The following UNC5A variants were observed in gnomAD, a reference collection of about 807,000 sequenced individuals.
The protein encoded by UNC5A is unc-5 netrin receptor A, also known as netrin receptor UNC5A.
Under a neutral mutation model 87.4 loss-of-function variants are expected in UNC5A, and 20 were observed. The observed-to-expected ratio is 0.23, with a 90% CI of 0.16 to 0.33. The LOEUF is 0.33. Among genes scored for constraint, UNC5A ranks in the 10% least tolerant of loss-of-function variants. UNC5A has a pLI of 1.00. For missense variants in UNC5A, 844 were observed against 1,133.4 expected, an observed-to-expected ratio of 0.74 and a Z score of 3.67; for synonymous variants, 438 against 482.3, an observed-to-expected ratio of 0.91 and a Z score of 1.20.
rs1443496991 is a variant in UNC5A, at chr5:176,867,069, C to T, written c.293-1061C>T. Among the ~76,000 whole-genome samples the T allele has an allele frequency of 2.0e-5, 3 of 152,316 alleles. No homozygotes were observed. The South Asian group carries it at 6.2e-4, about 32-fold the overall frequency. ...GCCTGCCGGCTCAGCTGGGCGGCCG[C>T]TCTTCCCGCAATGCAGCCCTAATTG... On this transcript the variant is annotated intron_variant, in intron 2 of 14. Transcript: ENST00000329542.
chr5:176,855,266 G>A (rs940865393), intron 1 of UNC5A, among the ~76,000 whole-genome samples: 23 of 152,224 alleles, frequency 1.5e-4, no homozygotes, highest in African/African-American at 5.3e-4. Context: ...CCCTGTGAGG[G>A]CCCCCGGCAA....
chr5:176,820,634 G>A (rs1756705077), intron 1 of UNC5A, among the ~76,000 whole-genome samples: 1 of 152,186 alleles, frequency 6.6e-6, no homozygotes, highest in African/African-American at 2.4e-5. Context: ...TGGTCCATGG[G>A]GATCCCAGCA....
chr5:176,842,681 C>T (rs1051298749), intron 1 of UNC5A, among the ~76,000 whole-genome samples: 1 of 151,982 alleles, frequency 6.6e-6, no homozygotes, highest in Non-Finnish European at 1.5e-5. Flanking sequence ...AAGAATGATA[C>T]AATGGACTTT....
In UNC5A at chr5:176,811,697, G is replaced by GC. The variant is rs529523570; in HGVS notation, c.70+883dup. The stretch of plus-strand genomic sequence containing the variant: ...GAGCTGTGGGGGCCTCCTGATCTCT[G>GC]CCCCCCATGCACTTAGCTGAGTTGA... On this transcript the variant is annotated intron_variant, in intron 1 of 14. Transcript: ENST00000329542. Among the ~76,000 whole-genome samples, 311 of 152,152 alleles carry GC rather than the reference G, an allele frequency of 2.0e-3. 1 individual carries two copies. The highest frequency in any genetic ancestry group is 3.7e-3 in the Non-Finnish European group (251 of 67,994).
intron 8 of UNC5A, 110 bp from the exon 9 acceptor site, chr5:176,877,082 C>T: frequency 1.2e-6 from 1 of 852,310 alleles, no homozygotes; most frequent in African/African-American, 1.7e-5. Flanking sequence ...TGTCCCCAGG[C>T]CGGGCTGGCA....
At chr5:176,822,711 G>GC (rs1756756612) in intron 1 of UNC5A, among the ~76,000 whole-genome samples, 1 of 152,228 alleles carries the variant, frequency 6.6e-6, no homozygotes, top group South Asian at 2.1e-4. Flanking sequence ...CCCTGCCTCT[G>GC]CCCCAGAGTT....
chr5:176,843,793 C>T (rs998253319), intron 1 of UNC5A, among the ~76,000 whole-genome samples: 2 of 152,202 alleles, frequency 1.3e-5, no homozygotes, highest in African/African-American at 2.4e-5. Context: ...TCCCACTCGG[C>T]GGCTGGGCCC....
intron 9 of UNC5A, 123 bp from the exon 10 acceptor site, chr5:176,877,412 C>T (rs1758289669): frequency 5.2e-6 from 7 of 1,341,658 alleles, no homozygotes; most frequent in African/African-American, 1.5e-5. Context: ...CTAAGCCCCA[C>T]GTGGTCCTGC....
chr5:176,828,758 A>G (rs1756914014), intron 1 of UNC5A, among the ~76,000 whole-genome samples: 1 of 152,138 alleles, frequency 6.6e-6, no homozygotes, highest in East Asian at 1.9e-4. Context: ...GCTCATGCTC[A>G]CTGCTCGTTC....
At chr5:176,832,793 T>G (rs920321123) in intron 1 of UNC5A, among the ~76,000 whole-genome samples, 1 of 152,164 alleles carries the variant, frequency 6.6e-6, no homozygotes, top group Non-Finnish European at 1.5e-5. Context: ...AAGCTGAAGC[T>G]GGTTGGGCAA....
chr5:176,822,198 C>T (rs992496461), intron 1 of UNC5A, among the ~76,000 whole-genome samples: 2 of 152,256 alleles, frequency 1.3e-5, no homozygotes, highest in Non-Finnish European at 2.9e-5. Flanking sequence ...ACAGTAAATG[C>T]TCTGCAGGTG....
chr5:176,878,097 C>T lies in UNC5A; in HGVS notation c.1839C>T (p.Tyr613=). 1 of 1,609,480 alleles carries T rather than the reference C, an allele frequency of 6.2e-7. No individual in the cohort carries two copies. Among genetic ancestry groups the T allele is most frequent in the Non-Finnish European group, 8.5e-7 (1 of 1,179,932 alleles). Residue 613 remains tyrosine, a synonymous_variant, in exon 11 of 15, where the codon TAC becomes TAT. Coordinates refer to ENST00000329542, the MANE Select transcript of UNC5A (RefSeq NM_133369.3). The part of the protein sequence containing the change: ...CTSLEYNIRV[Y]CLHDTHDALK... ...CCCTCGAGTACAACATCCGGGTCTA[C>T]TGCCTGCATGACACCCACGATGCAC...
At chr5:176,831,785 G>A (rs912598573) in intron 1 of UNC5A, among the ~76,000 whole-genome samples, 9 of 151,318 alleles carry the variant, frequency 5.9e-5, no homozygotes, top group Non-Finnish European at 1.0e-4. Flanking sequence ...CCCCACTGCT[G>A]TACCCACCAT....
Position 176,862,769 on chromosome 5 carries a change from G to C in UNC5A, c.216G>C (p.Gln72His), listed in dbSNP as rs1757873080. Residue 72 changes from glutamine to histidine, a missense_variant, in exon 2 of 15, where the codon CAG becomes CAC. This residue lies in a region of UNC5A where 314 missense variants were observed against 466.5 expected (regional missense o/e 0.67). Transcript: ENST00000329542. ...LLVCKAVPAT[Q>H]IFFKCNGEWV... The stretch of plus-strand genomic sequence containing the variant: ...TGTGCAAGGCCGTGCCCGCCACGCA[G>C]ATCTTCTTCAAGTGCAACGGGGAGT... 2 of 1,613,588 alleles carry C rather than the reference G, an allele frequency of 1.2e-6. No individual in the cohort carries two copies. The highest frequency in any genetic ancestry group is 8.5e-7 in the Non-Finnish European group (1 of 1,179,940).
At chr5:176,839,927 CT>C (rs541876763) in intron 1 of UNC5A, among the ~76,000 whole-genome samples, 121 of 150,900 alleles carry the variant, frequency 8.0e-4, no homozygotes, top group African/African-American at 2.9e-3. Flanking sequence ...GGCAATTCTG[CT>C]GCCTCAGCCT....
chr5:176,815,348 G>A (rs1372030390), intron 1 of UNC5A, among the ~76,000 whole-genome samples: 1 of 152,184 alleles, frequency 6.6e-6, no homozygotes, highest in Non-Finnish European at 1.5e-5. Context: ...TCCTGTGGGA[G>A]TGGCATTGAA....
rs59172424 is a variant in UNC5A, at chr5:176,838,181, C to T, written c.71-24443C>T. On this transcript the variant is annotated intron_variant, in intron 1 of 14. Transcript: ENST00000329542. This position sits in a 1 kb window ranked among gnomAD's most constrained non-coding sequence, Gnocchi z 4.2. ...TTTATTATTTCTTGCAAACCTGATT[C>T]TACTGCTTAACTCTGGGGGGAAGGA... Among the ~76,000 whole-genome samples, 1,044 of 152,242 alleles carry T rather than the reference C, an allele frequency of 6.9e-3. 12 individuals are homozygous for T. Among genetic ancestry groups the T allele is most frequent in the African/African-American group, 0.023 (965 of 41,534 alleles).
At chr5:176,878,767 T>C in intron 13 of UNC5A, 128 bp downstream of exon 13, 1 of 1,274,168 alleles carries the variant, frequency 7.8e-7, no homozygotes, top group African/African-American at 1.5e-5. Context: ...CAGGCCCACC[T>C]CCTCCTAGAA....
At chr5:176,839,507 G>A (rs936025047) in intron 1 of UNC5A, among the ~76,000 whole-genome samples, 27 of 152,364 alleles carry the variant, frequency 1.8e-4, no homozygotes, top group Non-Finnish European at 2.5e-4. Flanking sequence ...CAGGAGGGCC[G>A]CTGTCTGGAC....
Sources: gnomAD v4.1 joint callset for allele counts (sites outside exome capture counted in the v4.1 genomes callset) on GRCh38, gnomAD v4.1.1 for gene constraint, gnomAD v4.1.1 regional missense constraint, Gnocchi (gnomAD v3.1) non-coding constraint, MANE v1.5 for transcripts, NCBI Gene and HGNC (gene_info 2026-07-23, HGNC 2026-07-21) for gene names.